The following SPMAP1 variants were observed in gnomAD, a reference collection of about 807,000 sequenced individuals.
The protein encoded by SPMAP1 is sperm microtubule associated protein 1.
At chr17:38,841,103 T>G in the SPMAP1 span, 928 of 982,756 alleles carry the variant, frequency 9.4e-4, 7 homozygotes, top group Middle Eastern at 0.01. Flanking sequence ...GAGGTGAAAG[T>G]GGCGGAGCCT....
At chr17:38,838,129 C>T in the SPMAP1 span, among the ~76,000 whole-genome samples, 6 of 152,110 alleles carry the variant, frequency 3.9e-5, no homozygotes. Flanking sequence ...GTGATCCACC[C>T]GCCTCGGCCT....
chr17:38,840,498 T>C, the SPMAP1 span, among the ~76,000 whole-genome samples: 1 of 151,700 alleles, frequency 6.6e-6, no homozygotes, highest in Non-Finnish European at 1.5e-5. Flanking sequence ...TCAACACCTG[T>C]CCTCCCTTTC....
At chr17:38,838,890 G>T in the SPMAP1 span, among the ~76,000 whole-genome samples, 1 of 152,094 alleles carries the variant, frequency 6.6e-6, no homozygotes, top group East Asian at 1.9e-4. Context: ...TTCGAGACCA[G>T]CCTGGCCAAC....
chr17:38,836,822 C>T, the SPMAP1 span, among the ~76,000 whole-genome samples: 1 of 152,042 alleles, frequency 6.6e-6, no homozygotes, highest in Non-Finnish European at 1.5e-5. Context: ...TTTGGAACTC[C>T]TGACCTCAAG....
chr17:38,837,131 C>A, the SPMAP1 span: 1 of 1,589,986 alleles, frequency 6.3e-7, no homozygotes, highest in East Asian at 2.2e-5. Flanking sequence ...GAAATGGAGG[C>A]AGCACTTGCC....
chr17:38,837,261 G>C, the SPMAP1 span: 1 of 1,549,586 alleles, frequency 6.5e-7, no homozygotes, highest in African/African-American at 1.4e-5. Flanking sequence ...GCAAGAGAAA[G>C]TGGGCAAGAA....
At chr17:38,841,168 G>A in the SPMAP1 span, 3 of 1,597,212 alleles carry the variant, frequency 1.9e-6, no homozygotes, top group Non-Finnish European at 2.6e-6. Context: ...GGGGTCTTCC[G>A]GGAAGCTCCT....
chr17:38,835,281 A>G, the SPMAP1 span: 23 of 1,613,848 alleles, frequency 1.4e-5, no homozygotes, highest in Admixed American at 2.2e-4. Context: ...CTTCCATTGA[A>G]CCCATCGATC....
At chr17:38,837,981 T>C in the SPMAP1 span, among the ~76,000 whole-genome samples, 1 of 152,256 alleles carries the variant, frequency 6.6e-6, no homozygotes, top group Non-Finnish European at 1.5e-5. Context: ...CTCCGCTTCC[T>C]GGGTTCAATT....
the SPMAP1 span, among the ~76,000 whole-genome samples, chr17:38,840,534 A>G: frequency 2.8e-5 from 4 of 144,342 alleles, no homozygotes; most frequent in Admixed American, 1.5e-4. Flanking sequence ...TGCGTTAAGA[A>G]AACTGGGAGG....
chr17:38,838,756 A>C, the SPMAP1 span, among the ~76,000 whole-genome samples: 3 of 152,092 alleles, frequency 2.0e-5, no homozygotes, highest in Non-Finnish European at 4.4e-5. Flanking sequence ...CCTGTGTGAC[A>C]GAGTTGCACT....
chr17:38,837,153 A>G, the SPMAP1 span: 1 of 1,612,552 alleles, frequency 6.2e-7, no homozygotes, highest in Non-Finnish European at 8.5e-7. Context: ...GTCCCTGCCC[A>G]ATTTCTCCTG....
chr17:38,835,288 G>A, the SPMAP1 span: 145 of 1,614,082 alleles, frequency 9.0e-5, 1 homozygote, highest in Middle Eastern at 3.3e-4. Context: ...TGAACCCATC[G>A]ATCGGTTTCA....
chr17:38,838,211 G>A, the SPMAP1 span, among the ~76,000 whole-genome samples: 1 of 152,000 alleles, frequency 6.6e-6, no homozygotes, highest in Non-Finnish European at 1.5e-5. Flanking sequence ...ATTTTGTTCA[G>A]ATAAAGGGCC....
the SPMAP1 span, among the ~76,000 whole-genome samples, chr17:38,836,150 G>A: frequency 2.0e-5 from 3 of 151,888 alleles, no homozygotes; most frequent in Non-Finnish European, 4.4e-5. Context: ...TCCTGACCTC[G>A]TGACCCGCCT....
At chr17:38,841,213 C>T in the SPMAP1 span, 2 of 1,614,158 alleles carry the variant, frequency 1.2e-6, no homozygotes, top group Non-Finnish European at 1.7e-6. Context: ...GGGGCGGAAC[C>T]ACGTGACTCT....
chr17:38,836,149 C>T, the SPMAP1 span, among the ~76,000 whole-genome samples: 9 of 152,072 alleles, frequency 5.9e-5, no homozygotes, highest in Non-Finnish European at 8.8e-5. Context: ...CTCCTGACCT[C>T]GTGACCCGCC....
the SPMAP1 span, chr17:38,837,390 A>G: frequency 1.5e-6 from 1 of 649,288 alleles, no homozygotes. Context: ...TATATTTAAG[A>G]ACCAGACCGG....
chr17:38,838,609 A>G, the SPMAP1 span, among the ~76,000 whole-genome samples: 1 of 151,710 alleles, frequency 6.6e-6, no homozygotes, highest in South Asian at 2.1e-4. Flanking sequence ...CAAAAATAAA[A>G]TAAAATAAAA....
Sources: gnomAD v4.1 joint callset for allele counts (sites outside exome capture counted in the v4.1 genomes callset) on GRCh38, gnomAD v4.1.1 for gene constraint, MANE v1.5 for transcripts, NCBI Gene and HGNC (gene_info 2026-07-23, HGNC 2026-07-21) for gene names.